Variants in COL23A1 observed in about 807,000 individuals in gnomAD.
COL23A1 encodes collagen type XXIII alpha 1 chain, also known as collagen alpha-1(XXIII) chain.
A neutral mutation model predicts 99.3 loss-of-function variants in COL23A1; 97 were observed. The observed-to-expected ratio is 0.98, with a 90% CI of 0.83 to 1.16. The LOEUF is 1.16. Among genes scored for constraint, COL23A1 ranks in the 50% most tolerant of loss-of-function variants. COL23A1 has a pLI of 0.00. For synonymous variants in COL23A1, 320 were observed against 308.2 expected, an observed-to-expected ratio of 1.04 and a Z score of -0.40; for missense variants, 762 against 757.4, an observed-to-expected ratio of 1.01 and a Z score of -0.07.
At chr5:178,565,127 C>T (rs1010735802) in intron 1 of COL23A1, among the ~76,000 whole-genome samples, 1 of 152,166 alleles carries the variant, frequency 6.6e-6, no homozygotes, top group Non-Finnish European at 1.5e-5. Flanking sequence ...TCTACATTGA[C>T]GTAGAAACAC....
At chr5:178,256,957 A>G (rs1400721765) in intron 13 of COL23A1, 29 bp from the exon 14 acceptor site, 1 of 1,610,648 alleles carries the variant, frequency 6.2e-7, no homozygotes, top group African/African-American at 1.3e-5. Context: ...CAGTGAGAGC[A>G]AGTGTGAGAC....
intron 2 of COL23A1, among the ~76,000 whole-genome samples, chr5:178,502,440 T>C (rs951981763): frequency 6.6e-6 from 1 of 152,202 alleles, no homozygotes; most frequent in African/African-American, 2.4e-5. Flanking sequence ...CAACAAGAGT[T>C]GGTATTCTTA....
intron 2 of COL23A1, among the ~76,000 whole-genome samples, chr5:178,416,183 G>C (rs777801475): frequency 2.0e-5 from 3 of 152,182 alleles, no homozygotes; most frequent in Admixed American, 2.0e-4. Context: ...TGAGCATCCA[G>C]GTTGTTGTAC....
At chr5:178,482,279 G>A (rs908260592) in intron 2 of COL23A1, among the ~76,000 whole-genome samples, 3 of 152,072 alleles carry the variant, frequency 2.0e-5, no homozygotes, top group African/African-American at 4.8e-5. Flanking sequence ...AAATGGGAAT[G>A]AAGTTCTGAT....
chr5:178,344,896 C>CT (rs1760874772), intron 2 of COL23A1: 1 of 773,640 alleles, frequency 1.3e-6, no homozygotes, highest in East Asian at 4.0e-5. Flanking sequence ...TGTGGACAGT[C>CT]TCAGGGACAA....
At chr5:178,297,991 C>T (rs1757837029) in intron 3 of COL23A1, among the ~76,000 whole-genome samples, 3 of 152,296 alleles carry the variant, frequency 2.0e-5, no homozygotes, top group Non-Finnish European at 2.9e-5. Flanking sequence ...GCCAGGGGTT[C>T]CTGCTTAGAA....
intron 1 of COL23A1, among the ~76,000 whole-genome samples, chr5:178,574,700 G>A (rs1254684980): frequency 6.6e-6 from 1 of 152,168 alleles, no homozygotes; most frequent in Non-Finnish European, 1.5e-5. Flanking sequence ...TCTGTTTCTT[G>A]CGGCAACCGG....
chr5:178,388,002 C>T (rs922290314), intron 2 of COL23A1, among the ~76,000 whole-genome samples: 10 of 152,138 alleles, frequency 6.6e-5, no homozygotes, highest in East Asian at 5.8e-4. Flanking sequence ...CCATGGCCAC[C>T]GCCCACCGAC....
intron 15 of COL23A1, 113 bp downstream of exon 15, chr5:178,256,226 AAGTAAAATACTCCC>A: frequency 1.7e-6 from 1 of 603,636 alleles, no homozygotes; most frequent in Non-Finnish European, 2.6e-6. Flanking sequence ...TGAGTTTAAA[AAGTAAAATACTCCC>A]AGTTCCTGTA....
chr5:178,257,404 C>T (rs1192728584), intron 13 of COL23A1, 119 bp downstream of exon 13: 15 of 1,197,748 alleles, frequency 1.3e-5, no homozygotes, highest in East Asian at 5.1e-5. Flanking sequence ...CTCCGGCCTG[C>T]GCTGGGCACT....
At chr5:178,290,049 G>A (rs954041743) in intron 4 of COL23A1, among the ~76,000 whole-genome samples, 1 of 151,988 alleles carries the variant, frequency 6.6e-6, no homozygotes, top group East Asian at 1.9e-4. Flanking sequence ...TTCGTGCCTC[G>A]ATTTCCTGAG....
At chr5:178,550,524 G>A (rs1761942056) in intron 2 of COL23A1, among the ~76,000 whole-genome samples, 1 of 152,182 alleles carries the variant, frequency 6.6e-6, no homozygotes, top group African/African-American at 2.4e-5. Context: ...TCTGACTTCA[G>A]TGCCAGGCTT....
Position 178,308,117 on chromosome 5 carries a change from A to T in COL23A1, c.362-1198T>A, listed in dbSNP as rs1300345282. ...TGTGTTTCTGTGTGTGTGTCTGTGTATGTATGTTTGTGTCTGTGTGTCCTG... is the reference window on the plus strand; with the variant it reads ...TGTGTTTCTGTGTGTGTGTCTGTGTTTGTATGTTTGTGTCTGTGTGTCCTG... On this transcript the variant is annotated intron_variant, in intron 2 of 28. Coordinates refer to ENST00000390654, the MANE Select transcript of COL23A1 (RefSeq NM_173465.4). The surrounding 1 kb of genome is among the most constrained non-coding windows in gnomAD (Gnocchi z 5.1). Among the ~76,000 whole-genome samples the T allele has an allele frequency of 2.0e-5, 3 of 151,538 alleles. No individual in the cohort carries two copies. The highest frequency in any genetic ancestry group is 7.3e-5 in the African/African-American group (3 of 41,180).
chr5:178,405,401 T>A (rs568786405), intron 2 of COL23A1, among the ~76,000 whole-genome samples: 1 of 152,250 alleles, frequency 6.6e-6, no homozygotes, highest in African/African-American at 2.4e-5. Flanking sequence ...TCTGACCCAA[T>A]AGTTTTAGGA....
intron 2 of COL23A1, among the ~76,000 whole-genome samples, chr5:178,397,319 G>C (rs1379476851): frequency 2.0e-5 from 3 of 152,240 alleles, no homozygotes; most frequent in Admixed American, 6.5e-5. Flanking sequence ...CGCAAGGAGG[G>C]GGCGCTCCGG....
intron 2 of COL23A1, among the ~76,000 whole-genome samples, chr5:178,375,842 G>C (rs1334907103): frequency 6.6e-6 from 1 of 152,152 alleles, no homozygotes; most frequent in Non-Finnish European, 1.5e-5. Flanking sequence ...CGAGTAGCTG[G>C]GATTATAGGC....
chr5:178,455,487 A>T (rs1427413799), intron 2 of COL23A1, among the ~76,000 whole-genome samples: 1 of 152,034 alleles, frequency 6.6e-6, no homozygotes, highest in Non-Finnish European at 1.5e-5. Context: ...TAATAACAAC[A>T]CCTGGCCACC....
At chr5:178,358,370 GTGTGTATGTCTAA>G (rs1761921607) in intron 2 of COL23A1, among the ~76,000 whole-genome samples, 1 of 149,510 alleles carries the variant, frequency 6.7e-6, no homozygotes, top group Non-Finnish European at 1.5e-5. Flanking sequence ...GTATGTGTAC[GTGTGTATGTCTAA>G]TGTGTGTATG....
intron 2 of COL23A1, among the ~76,000 whole-genome samples, chr5:178,342,069 G>A (rs751703575): frequency 5.3e-5 from 8 of 152,190 alleles, no homozygotes; most frequent in Non-Finnish European, 1.2e-4. Context: ...GGGGACCGCT[G>A]TTTGCTGTGT....
Sources: allele counts gnomAD v4.1 joint callset (sites outside exome capture counted in the v4.1 genomes callset), GRCh38; gene constraint gnomAD v4.1.1; non-coding constraint Gnocchi (gnomAD v3.1); transcripts MANE v1.5; gene names NCBI Gene and HGNC (gene_info 2026-07-23, HGNC 2026-07-21).